ATG13: variants seen among roughly 807,000 people sequenced by gnomAD.
ATG13 encodes autophagy related 13.
A neutral mutation model predicts 65.5 loss-of-function variants in ATG13; 23 were observed. The ratio of observed to expected loss-of-function variants is 0.35; its 90% CI spans 0.25 to 0.50. The LOEUF (loss-of-function observed/expected upper bound fraction) is 0.50. Among genes scored for constraint, ATG13 ranks in the 20% least tolerant of loss-of-function variants. The probability of loss-of-function intolerance (pLI) is 0.98; values close to 1 mark genes in which losing one functional copy is unlikely to be tolerated. For missense variants in ATG13, 566 were observed against 677.0 expected, an observed-to-expected ratio of 0.84 and a Z score of 1.82; for synonymous variants, 252 against 245.2, an observed-to-expected ratio of 1.03 and a Z score of -0.26.
intron 11 of ATG13, among the ~76,000 whole-genome samples, chr11:46,661,203 G>T (rs1273452809): frequency 6.6e-6 from 1 of 152,218 alleles, no homozygotes; most frequent in African/African-American, 2.4e-5. Flanking sequence ...ATCTTTGGTT[G>T]TTGGAGGAGA....
intron 1 of ATG13, among the ~76,000 whole-genome samples, chr11:46,629,654 C>T (rs1565434082): frequency 6.6e-6 from 1 of 152,050 alleles, no homozygotes; most frequent in African/African-American, 2.4e-5. Flanking sequence ...GCTTCGGCCT[C>T]CCAAAATGCT....
intron 2 of ATG13, among the ~76,000 whole-genome samples, chr11:46,644,007 A>G (rs1180130962): frequency 6.6e-6 from 1 of 152,226 alleles, no homozygotes; most frequent in Admixed American, 6.5e-5. Context: ...ATAATTTTGA[A>G]TGGATAATTA....
intron 5 of ATG13, among the ~76,000 whole-genome samples, chr11:46,647,290 T>TG (rs1056900779): frequency 2.1e-5 from 3 of 144,616 alleles, no homozygotes; most frequent in African/African-American, 7.4e-5. Context: ...GTTTTTTTTT[T>TG]TTGTTTTTTT....
chr11:46,635,606 C>G (rs1031495818), intron 2 of ATG13, among the ~76,000 whole-genome samples: 1 of 152,134 alleles, frequency 6.6e-6, no homozygotes, highest in African/African-American at 2.4e-5. Context: ...CCTTTGTATT[C>G]ATAGGAGCAC....
In ATG13 at chr11:46,667,888, G is replaced by C; in HGVS notation, c.1251+1G>C. The C allele has an allele frequency of 6.2e-7, 1 of 1,605,152 alleles. No homozygotes were observed. Among genetic ancestry groups the C allele is most frequent in the Non-Finnish European group, 8.5e-7 (1 of 1,172,382 alleles). Reference sequence around the variant, plus strand: ...TTTTGTCAACAAACCCATTAACCAGGTGATTTTTCTGCCACTGCCACCTGT... The same window carrying C: ...TTTTGTCAACAAACCCATTAACCAGCTGATTTTTCTGCCACTGCCACCTGT... On this transcript the variant is annotated splice_donor_variant, in intron 15 of 18. Coordinates refer to ENST00000683050, the MANE Select transcript of ATG13 (RefSeq NM_001346311.2). LOFTEE classifies it high-confidence loss of function.
chr11:46,656,579 T>C (rs2060087929), intron 8 of ATG13, among the ~76,000 whole-genome samples: 1 of 152,146 alleles, frequency 6.6e-6, no homozygotes, highest in Non-Finnish European at 1.5e-5. Context: ...TTTTGAAAAA[T>C]TGGAAATGAA....
intron 7 of ATG13, among the ~76,000 whole-genome samples, chr11:46,653,358 G>A (rs1249207409): frequency 6.6e-6 from 1 of 151,672 alleles, no homozygotes; most frequent in African/African-American, 2.4e-5. Flanking sequence ...ATTTTAATTA[G>A]AGATGGGGTT....
At chr11:46,625,350 A>C (rs1341578479) in intron 1 of ATG13, 1 of 137,808 alleles carries the variant, frequency 7.3e-6, no homozygotes, top group Non-Finnish European at 1.5e-5. Context: ...ATCACAGCTC[A>C]CTGCAGCCAT....
In ATG13 at chr11:46,668,633, C is replaced by T. The variant is rs779654858; in HGVS notation, c.1329+57C>T. 22 of 1,576,174 alleles carry T rather than the reference C, an allele frequency of 1.4e-5. No individual in the cohort carries two copies. In the African/African-American group the frequency reaches 2.7e-4, roughly 19 times the overall value. ...AGATGGTGCGCTAGTCATTGTTCTT[C>T]CTGAGCCAGAGTCACTAATCCCCCA... is the stretch of plus-strand genomic sequence containing the variant. On this transcript the variant is annotated intron_variant, in intron 16 of 18. Transcript: ENST00000683050.
chr11:46,665,115 G>A (rs1434997279), intron 13 of ATG13, among the ~76,000 whole-genome samples, 156 bp downstream of exon 13: 1 of 152,200 alleles, frequency 6.6e-6, no homozygotes, highest in Non-Finnish European at 1.5e-5. Context: ...TGACTCGAGA[G>A]GAAGGAGCCT....
intron 2 of ATG13, among the ~76,000 whole-genome samples, chr11:46,633,263 C>T (rs1307222920): frequency 6.7e-6 from 1 of 150,040 alleles, no homozygotes; most frequent in Non-Finnish European, 1.5e-5. Flanking sequence ...CCTCATGATC[C>T]ACCTGCCTCA....
chr11:46,655,980 C>T (rs764394311), intron 7 of ATG13, among the ~76,000 whole-genome samples: 1 of 152,138 alleles, frequency 6.6e-6, no homozygotes, highest in African/African-American at 2.4e-5. Flanking sequence ...GTGATCCTCC[C>T]GAAGTGCTGG....
intron 5 of ATG13, among the ~76,000 whole-genome samples, chr11:46,648,199 G>T (rs904500757): frequency 2.6e-5 from 4 of 151,738 alleles, no homozygotes; most frequent in African/African-American, 9.7e-5. Flanking sequence ...GGGTTCAAGC[G>T]ATTCTCTTGT....
At chr11:46,646,381 C>T (rs2057546479) in intron 5 of ATG13, among the ~76,000 whole-genome samples, 1 of 152,158 alleles carries the variant, frequency 6.6e-6, no homozygotes, top group Non-Finnish European at 1.5e-5. Flanking sequence ...AATTCCTGAC[C>T]TTGTGATCCG....
intron 11 of ATG13, among the ~76,000 whole-genome samples, chr11:46,663,765 GAC>G (rs1406247369): frequency 1.3e-5 from 2 of 152,048 alleles, no homozygotes; most frequent in Non-Finnish European, 2.9e-5. Context: ...GCTTATCAGG[GAC>G]ACAGGCATAC....
intron 7 of ATG13, among the ~76,000 whole-genome samples, chr11:46,651,719 C>T (rs901356792): frequency 5.3e-5 from 8 of 152,172 alleles, no homozygotes; most frequent in East Asian, 1.9e-4. Flanking sequence ...TTTCCTTTAA[C>T]TTTCTTAGCA....
chr11:46,619,453 C>T lies in ATG13; in HGVS notation c.-70+1563C>T, dbSNP rs561756415. Among the ~76,000 whole-genome samples the T allele has an allele frequency of 9.0e-5, 12 of 132,904 alleles. No individual in the cohort carries two copies. The South Asian group carries it at 2.2e-3, about 24-fold the overall frequency. 87.2% of individuals were successfully genotyped at this position (132,904 alleles called of 152,430 possible). ...AGGCTAGAGTGCGGTGGCGGGAACT[C>T]GGCCCACTGCAACCTCTGCCTCCCG... On this transcript the variant is annotated intron_variant, in intron 1 of 18. Transcript: ENST00000683050.
chr11:46,665,594 A>G, intron 14 of ATG13, 75 bp downstream of exon 14: 1 of 1,543,370 alleles, frequency 6.5e-7, no homozygotes, highest in Non-Finnish European at 8.8e-7. Flanking sequence ...GTGCTTATTT[A>G]GAATTAGTAA....
chr11:46,633,129 A>G (rs547989576), intron 2 of ATG13, among the ~76,000 whole-genome samples: 72 of 144,064 alleles, frequency 5.0e-4, no homozygotes, highest in South Asian at 2.9e-3. Flanking sequence ...GGTTCAAGCT[A>G]TTCTCCTGCC....
Sources: allele counts gnomAD v4.1 joint callset (sites outside exome capture counted in the v4.1 genomes callset), GRCh38; gene constraint gnomAD v4.1.1; transcripts MANE v1.5; gene names NCBI Gene and HGNC (gene_info 2026-07-23, HGNC 2026-07-21).